Variants in IMMP2L observed in about 807,000 individuals in gnomAD.
IMMP2L encodes the protein inner mitochondrial membrane peptidase subunit 2, also known as mitochondrial inner membrane protease subunit 2.
A neutral mutation model predicts 19.3 loss-of-function variants in IMMP2L; 18 were observed. The ratio of observed to expected loss-of-function variants is 0.93; its 90% CI spans 0.64 to 1.38. The LOEUF is 1.38. IMMP2L is among the 40% of genes most tolerant of loss of function. The pLI is 0.00. For synonymous variants in IMMP2L, 76 were observed against 73.0 expected (o/e 1.04, Z -0.21); for missense variants, 233 against 218.2 (o/e 1.07, Z -0.43).
Position 110,803,669 on chromosome 7 carries a change from C to T in IMMP2L, c.408+82924G>A, listed in dbSNP as rs749224922. Among the ~76,000 whole-genome samples, 1 of 151,984 alleles carries T rather than the reference C, an allele frequency of 6.6e-6. No individual in the cohort carries two copies. The highest frequency in any genetic ancestry group is 1.5e-5 in the Non-Finnish European group (1 of 67,978). ...TCCAGAAATGGGAGTGACCTTGGAC[C>T]AGGCAGCTCCCTGTAGCCAAGGGCA... On this transcript the variant is annotated intron_variant, in intron 5 of 5. Coordinates refer to ENST00000405709, the MANE Select transcript of IMMP2L (RefSeq NM_032549.4). This position sits in a 1 kb window ranked among gnomAD's most constrained non-coding sequence, Gnocchi z 4.2.
chr7:111,181,218 G>T (rs1807669849), intron 3 of IMMP2L, among the ~76,000 whole-genome samples: 1 of 151,960 alleles, frequency 6.6e-6, no homozygotes, highest in Non-Finnish European at 1.5e-5. Context: ...AATTTCCTCT[G>T]CTGTGTGGTT....
intron 2 of IMMP2L, among the ~76,000 whole-genome samples, chr7:111,496,491 T>C (rs540235624): frequency 2.6e-4 from 39 of 152,028 alleles, no homozygotes; most frequent in Non-Finnish European, 4.7e-4. Flanking sequence ...AAGCACTGGA[T>C]TGAGTAAGAA....
intron 5 of IMMP2L, among the ~76,000 whole-genome samples, chr7:110,724,897 G>C (rs1423008781): frequency 2.6e-5 from 4 of 152,126 alleles, no homozygotes. Flanking sequence ...AATTGGCTGT[G>C]AGATGTTAAA....
intron 3 of IMMP2L, among the ~76,000 whole-genome samples, chr7:111,225,243 A>G (rs1812953321): frequency 6.6e-6 from 1 of 152,156 alleles, no homozygotes; most frequent in Non-Finnish European, 1.5e-5. Flanking sequence ...TCAAGCAAAA[A>G]GTAGAAGTTT....
At chr7:111,185,345 A>G (rs1182156936) in intron 3 of IMMP2L, among the ~76,000 whole-genome samples, 1 of 152,196 alleles carries the variant, frequency 6.6e-6, no homozygotes. Context: ...CCATTAATAC[A>G]TAAAAGCAAT....
At chr7:111,551,495 G>GGTGGGT (rs1849450763) in intron 1 of IMMP2L, among the ~76,000 whole-genome samples, 1 of 145,248 alleles carries the variant, frequency 6.9e-6, no homozygotes. Flanking sequence ...GACTGTTAGA[G>GGTGGGT]GTGTGTGTGT....
At position 111,279,682 on chromosome 7, in the gene IMMP2L, C is replaced by T. The variant is rs574879803; in HGVS notation, c.239+207556G>A. Among the ~76,000 whole-genome samples the T allele has an allele frequency of 2.0e-5, 3 of 152,154 alleles. No homozygotes were observed. The South Asian group carries it at 6.2e-4, about 32-fold the overall frequency. On this transcript the variant is annotated intron_variant, in intron 3 of 5. Transcript: ENST00000405709. ...AGATCTGAACTCAGGAAGTCGGGTGCAAAAACATGTGCTTTTAATTACTAT... is the reference window on the plus strand; with the variant it reads ...AGATCTGAACTCAGGAAGTCGGGTGTAAAAACATGTGCTTTTAATTACTAT...
At chr7:110,701,064 ATGT>A (rs1214415075) in intron 5 of IMMP2L, among the ~76,000 whole-genome samples, 1 of 152,198 alleles carries the variant, frequency 6.6e-6, no homozygotes, top group Non-Finnish European at 1.5e-5. Flanking sequence ...GTTTTATGAC[ATGT>A]TGTACACATA....
intron 3 of IMMP2L, among the ~76,000 whole-genome samples, chr7:111,005,866 C>G (rs999574248): frequency 1.3e-5 from 2 of 152,156 alleles, no homozygotes; most frequent in Non-Finnish European, 2.9e-5. Context: ...ATCAATCATT[C>G]TTTCTAGCTT....
At chr7:111,194,262 T>C (rs1809223104) in intron 3 of IMMP2L, among the ~76,000 whole-genome samples, 1 of 152,184 alleles carries the variant, frequency 6.6e-6, no homozygotes, top group Non-Finnish European at 1.5e-5. Context: ...TCAATAAACA[T>C]TTGATGAACT....
At chr7:111,436,137 T>C (rs529227588) in intron 3 of IMMP2L, among the ~76,000 whole-genome samples, 3 of 151,726 alleles carry the variant, frequency 2.0e-5, no homozygotes, top group African/African-American at 7.3e-5. Context: ...AGGGAACATA[T>C]GTACTGGGCA....
intron 3 of IMMP2L, among the ~76,000 whole-genome samples, chr7:111,041,101 C>T (rs1791853104): frequency 6.6e-6 from 1 of 151,890 alleles, no homozygotes; most frequent in South Asian, 2.1e-4. Flanking sequence ...GATAATCCTG[C>T]TTAGGGATTA....
At chr7:111,223,977 T>G (rs1812800398) in intron 3 of IMMP2L, among the ~76,000 whole-genome samples, 1 of 152,116 alleles carries the variant, frequency 6.6e-6, no homozygotes, top group Non-Finnish European at 1.5e-5. Context: ...TGGAATGCCT[T>G]TTAAATTGTT....
chr7:110,796,286 T>C (rs1800858195), intron 5 of IMMP2L, among the ~76,000 whole-genome samples: 1 of 151,936 alleles, frequency 6.6e-6, no homozygotes, highest in African/African-American at 2.4e-5. Flanking sequence ...TTAGAACTCA[T>C]CCAGTGCTCC....
chr7:111,361,269 C>T (rs1829233943), intron 3 of IMMP2L, among the ~76,000 whole-genome samples: 2 of 152,126 alleles, frequency 1.3e-5, no homozygotes, highest in Admixed American at 1.3e-4. Context: ...GTGTGGGCAT[C>T]TGTTCCCTAT....
At chr7:110,888,478 A>G (rs904001488) in intron 4 of IMMP2L, among the ~76,000 whole-genome samples, 2 of 152,186 alleles carry the variant, frequency 1.3e-5, no homozygotes, top group African/African-American at 4.8e-5. Flanking sequence ...TGTCTCTTCA[A>G]ATAACCATTC....
At chr7:110,804,575 AG>A (rs1436496051) in intron 5 of IMMP2L, among the ~76,000 whole-genome samples, 2 of 152,094 alleles carry the variant, frequency 1.3e-5, no homozygotes, top group Non-Finnish European at 2.9e-5. Context: ...CTGGGCACAC[AG>A]CAGCTCAGCT....
At chr7:111,290,132 C>T (rs1820929822) in intron 3 of IMMP2L, among the ~76,000 whole-genome samples, 1 of 152,158 alleles carries the variant, frequency 6.6e-6, no homozygotes, top group African/African-American at 2.4e-5. Flanking sequence ...GCTTCCCATG[C>T]TCACAGCAGT....
chr7:111,250,398 A>G (rs1194035942), intron 3 of IMMP2L, among the ~76,000 whole-genome samples: 5 of 152,200 alleles, frequency 3.3e-5, no homozygotes, highest in Non-Finnish European at 2.9e-5. Context: ...GAATTAGAAG[A>G]AACTATTTTA....
Sources: gnomAD v4.1 joint callset for allele counts (sites outside exome capture counted in the v4.1 genomes callset) on GRCh38, gnomAD v4.1.1 for gene constraint, Gnocchi (gnomAD v3.1) non-coding constraint, MANE v1.5 for transcripts, NCBI Gene and HGNC (gene_info 2026-07-23, HGNC 2026-07-21) for gene names.